Variants in TRDN observed in about 807,000 individuals in gnomAD.
TRDN encodes triadin, also known as triadin in skeletal muscle.
A neutral mutation model predicts 149.7 loss-of-function variants in TRDN; 161 were observed. The observed-to-expected ratio is 1.08, with a 90% CI of 0.95 to 1.23. The LOEUF is 1.23. TRDN is among the 50% of genes most tolerant of loss of function. The pLI, the probability that TRDN is intolerant of heterozygous loss-of-function variation, is 0.00. For synonymous variants in TRDN, 294 were observed against 250.5 expected, an observed-to-expected ratio of 1.17 and a Z score of -1.64; for missense variants, 896 against 823.5, an observed-to-expected ratio of 1.09 and a Z score of -1.08.
chr6:123,575,095 G>A (rs1430180712), intron 1 of TRDN, among the ~76,000 whole-genome samples: 5 of 151,248 alleles, frequency 3.3e-5, no homozygotes, highest in African/African-American at 1.2e-4. Flanking sequence ...ATACTGTTAT[G>A]TTTTTCATTG....
chr6:123,261,884 C>G (rs1776784354), intron 33 of TRDN, among the ~76,000 whole-genome samples: 1 of 151,894 alleles, frequency 6.6e-6, no homozygotes, highest in African/African-American at 2.4e-5. Context: ...AAAGGCTGTA[C>G]TTAATGTTTA....
At chr6:123,510,978 G>A (rs1197076827) in intron 7 of TRDN, among the ~76,000 whole-genome samples, 1 of 152,088 alleles carries the variant, frequency 6.6e-6, no homozygotes, top group African/African-American at 2.4e-5. Context: ...AATCATTTAT[G>A]GTGCAGAAGT....
chr6:123,502,145 G>A (rs1778726478), intron 8 of TRDN: 1 of 983,354 alleles, frequency 1.0e-6, no homozygotes, highest in Non-Finnish European at 1.2e-6. Context: ...TTTTTGAACA[G>A]CAATCTAAAG....
At chr6:123,552,000 T>C (rs1781417226) in intron 2 of TRDN, among the ~76,000 whole-genome samples, 1 of 151,914 alleles carries the variant, frequency 6.6e-6, no homozygotes, top group Admixed American at 6.6e-5. Context: ...GCTGGCTCTC[T>C]GAGAAAGGCA....
At chr6:123,514,572 G>A (rs578237814) in intron 6 of TRDN, among the ~76,000 whole-genome samples, 57 of 151,124 alleles carry the variant, frequency 3.8e-4, no homozygotes, top group African/African-American at 1.3e-3. Context: ...TATTAACTGT[G>A]AAACAAATTC....
intron 1 of TRDN, among the ~76,000 whole-genome samples, chr6:123,587,270 G>A (rs1029400987): frequency 1.3e-5 from 2 of 152,160 alleles, no homozygotes; most frequent in African/African-American, 2.4e-5. Flanking sequence ...ACCAAGGGAA[G>A]GCTGCCTTCC....
chr6:123,398,710 T>C (rs749770253), intron 12 of TRDN, among the ~76,000 whole-genome samples: 24 of 152,210 alleles, frequency 1.6e-4, no homozygotes, highest in Non-Finnish European at 3.2e-4. Context: ...CATTTCAGTA[T>C]GATAATTACC....
chr6:123,365,338 G>GTATT (rs113320805), intron 20 of TRDN, among the ~76,000 whole-genome samples: 12,720 of 151,880 alleles, frequency 0.084, 1,752 homozygotes, highest in African/African-American at 0.29. Flanking sequence ...AATTTATACT[G>GTATT]TATCAATAAA....
At chr6:123,446,202 CAG>C (rs1775338008) in intron 10 of TRDN, among the ~76,000 whole-genome samples, 1 of 143,444 alleles carries the variant, frequency 7.0e-6, no homozygotes, top group Non-Finnish European at 1.5e-5. Context: ...CACATGGACA[CAG>C]GAAGGGGAAT....
At chr6:123,252,077 C>T (rs1015909289) in intron 38 of TRDN, among the ~76,000 whole-genome samples, 1 of 152,020 alleles carries the variant, frequency 6.6e-6, no homozygotes, top group African/African-American at 2.4e-5. Context: ...TAACAAATTT[C>T]TAGTGATTGA....
intron 39 of TRDN, among the ~76,000 whole-genome samples, chr6:123,222,460 C>T (rs1775183979): frequency 2.1e-5 from 3 of 144,412 alleles, no homozygotes; most frequent in African/African-American, 5.1e-5. Flanking sequence ...GAGTAAAAAA[C>T]CTATTAGGGT....
At chr6:123,232,549 A>G (rs1775644884) in intron 38 of TRDN, among the ~76,000 whole-genome samples, 1 of 152,036 alleles carries the variant, frequency 6.6e-6, no homozygotes, top group Non-Finnish European at 1.5e-5. Context: ...ATTTTGTACA[A>G]AGGAATATTT....
At chr6:123,630,058 C>A (rs1785904887) in intron 1 of TRDN, among the ~76,000 whole-genome samples, 1 of 152,098 alleles carries the variant, frequency 6.6e-6, no homozygotes, top group Non-Finnish European at 1.5e-5. Flanking sequence ...TTAACCTTGA[C>A]AAATCTTCCT....
At chr6:123,523,631 T>C (rs894682229) in intron 5 of TRDN, among the ~76,000 whole-genome samples, 2 of 152,044 alleles carry the variant, frequency 1.3e-5, no homozygotes, top group African/African-American at 4.8e-5. Flanking sequence ...GTGGAGAAGA[T>C]AGCAGTTGGA....
At position 123,221,498 on chromosome 6, in the gene TRDN, G is replaced by T; in HGVS notation, c.2039C>A (p.Thr680Lys). 2 of 1,566,680 alleles carry T rather than the reference G, an allele frequency of 1.3e-6. No homozygotes were observed. The highest frequency in any genetic ancestry group is 1.7e-6 in the Non-Finnish European group (2 of 1,143,998). Residue 680 changes from threonine (T) to lysine (K), a missense_variant, in exon 40 of 41, where the codon ACA (threonine) becomes AAA (lysine). Thr to Lys is a moderately conservative substitution (Grantham distance 78, BLOSUM62 -1). Coordinates refer to ENST00000334268, the MANE Select transcript of TRDN (RefSeq NM_006073.4). Reference sequence around the variant, plus strand: ...CATTATAAACTTACTTTTCTGCTTTGTGGGAGACACATCTTCAGTTCCTTC... The same window carrying T: ...CATTATAAACTTACTTTTCTGCTTTTTGGGAGACACATCTTCAGTTCCTTC... ...AKEGTEDVSP[T>K]KQKSPISFFQ...
chr6:123,244,253 A>G (rs1420351190), intron 38 of TRDN, among the ~76,000 whole-genome samples: 1 of 152,162 alleles, frequency 6.6e-6, no homozygotes, highest in Non-Finnish European at 1.5e-5. Context: ...AGTTTGACGA[A>G]TTGACAGAAG....
intron 23 of TRDN, among the ~76,000 whole-genome samples, chr6:123,320,982 T>C (rs1367107689): frequency 6.6e-6 from 1 of 152,124 alleles, no homozygotes; most frequent in Non-Finnish European, 1.5e-5. Flanking sequence ...CATGGGAAGT[T>C]GTTATATTTA....
At chr6:123,372,678 C>T (rs1288860032) in intron 19 of TRDN, among the ~76,000 whole-genome samples, 1 of 152,026 alleles carries the variant, frequency 6.6e-6, no homozygotes, top group Non-Finnish European at 1.5e-5. Flanking sequence ...GTGATGTGGT[C>T]ACATATATTT....
At chr6:123,569,004 G>A (rs2114529554) in intron 2 of TRDN, among the ~76,000 whole-genome samples, 1 of 152,278 alleles carries the variant, frequency 6.6e-6, no homozygotes, top group East Asian at 1.9e-4. Flanking sequence ...TTTATACTCT[G>A]CATCCCCTTT....
Sources: allele counts gnomAD v4.1 joint callset (sites outside exome capture counted in the v4.1 genomes callset), GRCh38; gene constraint gnomAD v4.1.1; transcripts MANE v1.5; gene names NCBI Gene and HGNC (gene_info 2026-07-23, HGNC 2026-07-21).